Variants in SLCO6A1 observed in about 807,000 individuals in gnomAD.
SLCO6A1 encodes the protein solute carrier organic anion transporter family member 6A1, also known as cancer/testis antigen 48.
In SLCO6A1, 65 loss-of-function variants were observed where a neutral mutation model predicts 72.7. The ratio of observed to expected loss-of-function variants is 0.89; its 90% CI spans 0.73 to 1.10. SLCO6A1 has a LOEUF of 1.10. SLCO6A1 is among the 50% of genes least tolerant of loss of function. SLCO6A1 has a pLI of 0.00. For missense variants in SLCO6A1, 874 were observed against 872.6 expected (o/e 1.00, Z -0.02); for synonymous variants, 314 against 298.2 (o/e 1.05, Z -0.55).
intron 7 of SLCO6A1, among the ~76,000 whole-genome samples, chr5:102,426,217 T>G (rs913601828): frequency 6.6e-6 from 1 of 152,124 alleles, no homozygotes; most frequent in African/African-American, 2.4e-5. Context: ...GGGCAAAGAC[T>G]TCGTGACTAA....
At chr5:102,414,399 A>G (rs1748157314) in intron 8 of SLCO6A1, among the ~76,000 whole-genome samples, 1 of 152,206 alleles carries the variant, frequency 6.6e-6, no homozygotes, top group East Asian at 1.9e-4. Flanking sequence ...CAGGAAAGAG[A>G]AAGAGAATAA....
chr5:102,447,218 C>G (rs191612225), intron 6 of SLCO6A1, among the ~76,000 whole-genome samples: 58 of 152,302 alleles, frequency 3.8e-4, no homozygotes, highest in African/African-American at 1.3e-3. Flanking sequence ...TAAAAGCCTA[C>G]TCAATTGTGG....
chr5:102,383,688 C>T (rs926049186), intron 12 of SLCO6A1, among the ~76,000 whole-genome samples: 2 of 151,732 alleles, frequency 1.3e-5, no homozygotes, highest in East Asian at 3.8e-4. Flanking sequence ...CTAACTTTGG[C>T]ATCAGGGTAA....
intron 8 of SLCO6A1, among the ~76,000 whole-genome samples, chr5:102,417,296 G>C (rs765485455): frequency 1.2e-4 from 18 of 150,562 alleles, no homozygotes; most frequent in Non-Finnish European, 2.7e-4. Flanking sequence ...TCAAAATAAA[G>C]ATTATCTCCC....
intron 4 of SLCO6A1, among the ~76,000 whole-genome samples, chr5:102,471,393 T>C (rs1371850467): frequency 6.6e-6 from 1 of 152,114 alleles, no homozygotes; most frequent in Non-Finnish European, 1.5e-5. Flanking sequence ...CCTGAAATTC[T>C]AACTGCTAGA....
At chr5:102,375,467 T>G (rs1745731913) in intron 12 of SLCO6A1, among the ~76,000 whole-genome samples, 1 of 152,172 alleles carries the variant, frequency 6.6e-6, no homozygotes, top group African/African-American at 2.4e-5. Flanking sequence ...CAGTCTGTAT[T>G]ATTCTATTAC....
intron 7 of SLCO6A1, among the ~76,000 whole-genome samples, chr5:102,425,106 G>C (rs1395675302): frequency 6.6e-6 from 1 of 152,102 alleles, no homozygotes; most frequent in Admixed American, 6.5e-5. Context: ...ACTAGGTATT[G>C]ATGGAGCATA....
chr5:102,446,960 G>T (rs975992972), intron 6 of SLCO6A1, among the ~76,000 whole-genome samples: 1 of 152,064 alleles, frequency 6.6e-6, no homozygotes, highest in African/African-American at 2.4e-5. Flanking sequence ...TCACCATGTT[G>T]GCCAGACCAG....
intron 10 of SLCO6A1, among the ~76,000 whole-genome samples, chr5:102,398,919 T>C (rs1350307221): frequency 6.6e-6 from 1 of 152,080 alleles, no homozygotes; most frequent in East Asian, 1.9e-4. Context: ...AAATTACCAT[T>C]TTCCTCTCTT....
At chr5:102,489,475 A>G (rs973946818) in intron 1 of SLCO6A1, among the ~76,000 whole-genome samples, 1 of 152,232 alleles carries the variant, frequency 6.6e-6, no homozygotes, top group African/African-American at 2.4e-5. Context: ...TTCTCAAAAG[A>G]AGACATAAAA....
intron 9 of SLCO6A1, among the ~76,000 whole-genome samples, chr5:102,404,654 TTTTAA>T (rs1747576708): frequency 6.6e-6 from 1 of 152,220 alleles, no homozygotes; most frequent in African/African-American, 2.4e-5. Flanking sequence ...TTTATTTATG[TTTTAA>T]TTTTAGAGTG....
chr5:102,405,699 T>C (rs188902108), intron 9 of SLCO6A1, among the ~76,000 whole-genome samples: 58 of 152,200 alleles, frequency 3.8e-4, no homozygotes, highest in African/African-American at 1.3e-3. Context: ...AAGCTTAAGG[T>C]AAATGATGAT....
chr5:102,448,003 T>C (rs1750209796), intron 6 of SLCO6A1, among the ~76,000 whole-genome samples: 1 of 152,186 alleles, frequency 6.6e-6, no homozygotes, highest in Non-Finnish European at 1.5e-5. Context: ...TTTATGTGAG[T>C]GTTTAGCACT....
At chr5:102,406,240 C>T (rs1747660311) in intron 9 of SLCO6A1, among the ~76,000 whole-genome samples, 1 of 151,778 alleles carries the variant, frequency 6.6e-6, no homozygotes, top group African/African-American at 2.4e-5. Context: ...AGGAGACAGT[C>T]TAAACATAAA....
chr5:102,458,837 A>G (rs1480105286), intron 5 of SLCO6A1, among the ~76,000 whole-genome samples: 3 of 152,170 alleles, frequency 2.0e-5, no homozygotes, highest in African/African-American at 7.2e-5. Context: ...GCCCTAAAAT[A>G]TGAGGGAATA....
At chr5:102,414,358 A>G (rs1389090096) in intron 8 of SLCO6A1, among the ~76,000 whole-genome samples, 1 of 152,196 alleles carries the variant, frequency 6.6e-6, no homozygotes, top group Non-Finnish European at 1.5e-5. Context: ...GTCCTATTCA[A>G]AATAGTACTG....
At chr5:102,389,438 A>ACCCC (rs1206569045) in intron 11 of SLCO6A1, among the ~76,000 whole-genome samples, 1 of 66,124 alleles carries the variant, frequency 1.5e-5, no homozygotes, top group South Asian at 5.9e-4. Flanking sequence ...GAACAGTCAC[A>ACCCC]CACCCCGCCC....
intron 7 of SLCO6A1, among the ~76,000 whole-genome samples, chr5:102,434,889 C>A (rs1749440816): frequency 6.6e-6 from 1 of 152,062 alleles, no homozygotes; most frequent in South Asian, 2.1e-4. Flanking sequence ...TGTGCAATTA[C>A]CCTGAGTGTA....
At chr5:102,430,505 T>C (rs141736166) in intron 7 of SLCO6A1, among the ~76,000 whole-genome samples, 187 of 152,312 alleles carry the variant, frequency 1.2e-3, no homozygotes, top group African/African-American at 4.3e-3. Context: ...GTTTTTAACA[T>C]GAAGGGATGT....
Sources: gnomAD v4.1 joint callset for allele counts (sites outside exome capture counted in the v4.1 genomes callset) on GRCh38, gnomAD v4.1.1 for gene constraint, MANE v1.5 for transcripts, NCBI Gene and HGNC (gene_info 2026-07-23, HGNC 2026-07-21) for gene names.